The following GFRA2 variants were observed in gnomAD, a reference collection of about 807,000 sequenced individuals.
The protein encoded by GFRA2 is GDNF family receptor alpha 2.
GFRA2 carries 17 observed loss-of-function variants against 48.3 expected under a neutral mutation model. The observed-to-expected ratio is 0.35, with a 90% CI of 0.24 to 0.53. The LOEUF is 0.53. GFRA2 is among the 20% of genes least tolerant of loss of function. The pLI is 0.93. For synonymous variants in GFRA2, 305 were observed against 257.2 expected, an observed-to-expected ratio of 1.19 and a Z score of -1.78; for missense variants, 660 against 637.3, an observed-to-expected ratio of 1.04 and a Z score of -0.38.
chr8:21,706,185 G>A, intron 4 of GFRA2, 144 bp from the exon 5 acceptor site: 1 of 640,322 alleles, frequency 1.6e-6, no homozygotes, highest in Non-Finnish European at 2.8e-6. Context: ...GAAAGTCGGG[G>A]GAACCAAGTC....
chr8:21,775,094 G>A, intron 2 of GFRA2, 39 bp from the exon 3 acceptor site: 1 of 1,054,356 alleles, frequency 9.5e-7, no homozygotes, highest in Non-Finnish European at 1.5e-6. Flanking sequence ...GGCTCCTCCG[G>A]GCCAGAGCGC....
intron 3 of GFRA2, among the ~76,000 whole-genome samples, chr8:21,767,746 T>C (rs1806247208): frequency 6.6e-6 from 1 of 152,176 alleles, no homozygotes; most frequent in South Asian, 2.1e-4. Context: ...CAAAAAAATC[T>C]CACTTCAACC....
intron 4 of GFRA2, among the ~76,000 whole-genome samples, chr8:21,730,328 G>C (rs57409834): frequency 3.9e-5 from 6 of 152,036 alleles, no homozygotes; most frequent in African/African-American, 9.7e-5. Flanking sequence ...ATTTGAACCC[G>C]GGAGGTGGAG....
chr8:21,802,745 C>G (rs1807793380), intron 2 of GFRA2, among the ~76,000 whole-genome samples: 1 of 152,228 alleles, frequency 6.6e-6, no homozygotes, highest in Non-Finnish European at 1.5e-5. Context: ...TGTTTGGAAG[C>G]TATGGTGGTA....
intron 3 of GFRA2, among the ~76,000 whole-genome samples, chr8:21,769,909 A>G (rs1483407451): frequency 1.3e-5 from 2 of 152,106 alleles, no homozygotes; most frequent in African/African-American, 2.4e-5. Context: ...GGAGCATCCA[A>G]TGAGAACATC....
chr8:21,723,171 T>C (rs906764190), intron 4 of GFRA2, among the ~76,000 whole-genome samples: 2 of 152,142 alleles, frequency 1.3e-5, no homozygotes, highest in Non-Finnish European at 2.9e-5. Flanking sequence ...AGAAAAAGGA[T>C]GGGACTTCTA....
intron 2 of GFRA2, among the ~76,000 whole-genome samples, chr8:21,800,448 C>T (rs1009061082): frequency 6.6e-6 from 1 of 152,226 alleles, no homozygotes; most frequent in South Asian, 2.1e-4. Context: ...GGATGCAATG[C>T]GTTAGGCATC....
intron 4 of GFRA2, among the ~76,000 whole-genome samples, chr8:21,725,460 GA>G (rs1283822922): frequency 6.6e-6 from 1 of 152,242 alleles, no homozygotes; most frequent in Admixed American, 6.5e-5. Context: ...CACTCAGGCT[GA>G]AATCTGTACT....
At position 21,788,755 on chromosome 8, in the gene GFRA2, C is replaced by T. The variant is rs950748496; in HGVS notation, c.-596G>A. On this transcript the variant is annotated 5_prime_UTR_variant, in exon 1 of 9. Transcript: ENST00000524240. ...TCTTCTCCCGCTAACCCTTGCTCGG[C>T]TCACTTTTTTCTAATGGAATTCCAG... The T allele has an allele frequency of 4.6e-5, 45 of 985,526 alleles. No homozygotes were observed. The highest frequency in any genetic ancestry group is 5.2e-5 in the Non-Finnish European group (43 of 829,986). 61.0% of individuals were successfully genotyped at this position (985,526 alleles called of 1,614,324 possible). A position where few individuals can be genotyped will look rare whatever the true frequency, so the allele number is the denominator to read the frequency against.
In GFRA2 at chr8:21,788,390, C is replaced by T; in HGVS notation, c.-231G>A. 14 of 1,338,886 alleles carry T rather than the reference C, an allele frequency of 1.0e-5. No individual in the cohort carries two copies. The highest frequency in any genetic ancestry group is 1.3e-5 in the Non-Finnish European group (14 of 1,050,046). The allele number at this position is 1,338,886 out of a possible 1,614,324, so 82.9% of individuals were successfully genotyped here. On this transcript the variant is annotated 5_prime_UTR_variant, in exon 1 of 9. Coordinates refer to ENST00000524240, the MANE Select transcript of GFRA2 (RefSeq NM_001495.5). ...CTGCTGCCTCTCGACGCCCCCCTTG[C>T]CCGCTACAATCAAATATACGCGTAT... is the stretch of plus-strand genomic sequence containing the variant.
chr8:21,703,619 C>A (rs749216041), intron 6 of GFRA2, among the ~76,000 whole-genome samples: 1 of 152,206 alleles, frequency 6.6e-6, no homozygotes, highest in Non-Finnish European at 1.5e-5. Flanking sequence ...TCCCTTTGAT[C>A]CCTCATATTG....
chr8:21,786,308 G>GGCCC (rs751198019), intron 1 of GFRA2, among the ~76,000 whole-genome samples: 2,747 of 152,298 alleles, frequency 0.018, 132 homozygotes, highest in East Asian at 0.13. Context: ...AATGACCAGG[G>GGCCC]GCCCACACTG....
chr8:21,716,669 T>C (rs1328956442), intron 4 of GFRA2, among the ~76,000 whole-genome samples: 1 of 152,126 alleles, frequency 6.6e-6, no homozygotes, highest in Non-Finnish European at 1.5e-5. Flanking sequence ...CAGCCAGAGA[T>C]AAACGTGATG....
At chr8:21,694,078 T>C (rs1340931530) in intron 8 of GFRA2, among the ~76,000 whole-genome samples, 7 of 120,856 alleles carry the variant, frequency 5.8e-5, no homozygotes, top group African/African-American at 2.1e-4. Context: ...TATTTATTTT[T>C]ATATATATAT....
At chr8:21,784,171 C>A in intron 1 of GFRA2, 1 of 395,934 alleles carries the variant, frequency 2.5e-6, no homozygotes, top group Admixed American at 2.7e-5. Flanking sequence ...GGTAGGTGAA[C>A]GGCAGGGACA....
At chr8:21,775,815 G>A (rs1806665807) in intron 2 of GFRA2, among the ~76,000 whole-genome samples, 1 of 152,052 alleles carries the variant, frequency 6.6e-6, no homozygotes, top group Non-Finnish European at 1.5e-5. Flanking sequence ...TGCCTTGGGG[G>A]CTCAGGAATG....
chr8:21,739,331 G>A (rs1397628395), intron 4 of GFRA2, among the ~76,000 whole-genome samples: 1 of 152,244 alleles, frequency 6.6e-6, no homozygotes, highest in African/African-American at 2.4e-5. Flanking sequence ...GCTGGCAAGA[G>A]GACCTCCAGC....
chr8:21,788,052 G>GC, intron 1 of GFRA2, 68 bp downstream of exon 1: 1 of 418,980 alleles, frequency 2.4e-6, no homozygotes, highest in Non-Finnish European at 4.1e-6. Flanking sequence ...CCCCACCGGC[G>GC]CTCCGCTCGC....
At chr8:21,771,968 C>T (rs920873204) in intron 3 of GFRA2, among the ~76,000 whole-genome samples, 44 of 152,150 alleles carry the variant, frequency 2.9e-4, no homozygotes, top group Non-Finnish European at 1.0e-4. Flanking sequence ...GGGATACTCA[C>T]AACAAGACTT....
Sources: allele counts gnomAD v4.1 joint callset (sites outside exome capture counted in the v4.1 genomes callset), GRCh38; gene constraint gnomAD v4.1.1; transcripts MANE v1.5; gene names NCBI Gene and HGNC (gene_info 2026-07-23, HGNC 2026-07-21).